Variants in ATG7 observed in about 807,000 individuals in gnomAD.
The protein encoded by ATG7 is autophagy related 7.
A neutral mutation model predicts 82.4 loss-of-function variants in ATG7; 70 were observed. The ratio of observed to expected loss-of-function variants is 0.85; its 90% CI spans 0.70 to 1.04. The LOEUF (loss-of-function observed/expected upper bound fraction) is 1.04, where lower values mean the gene tolerates loss of function less well. ATG7 is among the 50% of genes least tolerant of loss of function. The pLI, the probability that ATG7 is intolerant of heterozygous loss-of-function variation, is 0.00. For missense variants in ATG7, 792 were observed against 864.3 expected (o/e 0.92, Z 1.05); for synonymous variants, 287 against 313.0 (o/e 0.92, Z 0.88).
chr3:11,331,994 A>G (rs1951711766), intron 10 of ATG7, among the ~76,000 whole-genome samples: 1 of 152,212 alleles, frequency 6.6e-6, no homozygotes, highest in South Asian at 2.1e-4. Flanking sequence ...TACCAAAATT[A>G]AAAATATCTA....
At chr3:11,318,462 C>T (rs918064936) in intron 9 of ATG7, among the ~76,000 whole-genome samples, 1 of 152,206 alleles carries the variant, frequency 6.6e-6, no homozygotes, top group Non-Finnish European at 1.5e-5. Flanking sequence ...TAGGAAAGAT[C>T]ACCAGAAGCC....
chr3:11,280,061 T>C (rs921797599), intron 1 of ATG7, among the ~76,000 whole-genome samples: 2 of 152,028 alleles, frequency 1.3e-5, no homozygotes, highest in South Asian at 4.1e-4. Context: ...TCTTTTTTTT[T>C]TTTGAGACAG....
chr3:11,559,693 A>G (rs2072793002), downstream of ATG7, among the ~76,000 whole-genome samples: 1 of 152,214 alleles, frequency 6.6e-6, no homozygotes, highest in South Asian at 2.1e-4. Flanking sequence ...TGAGGGTACA[A>G]AGGACAAAAG....
intron 9 of ATG7, among the ~76,000 whole-genome samples, chr3:11,323,590 A>T (rs952074846): frequency 6.6e-6 from 1 of 152,206 alleles, no homozygotes; most frequent in African/African-American, 2.4e-5. Context: ...TCTTTTGGGG[A>T]AGGTTACTTG....
At chr3:11,560,990 C>A (rs2072937139), downstream of ATG7, among the ~76,000 whole-genome samples, 1 of 152,032 alleles carries the variant, frequency 6.6e-6, no homozygotes, top group African/African-American at 2.4e-5. Context: ...GGTCAAGCAG[C>A]AGCAAGAGAG....
chr3:11,441,703 G>A (rs964959973), intron 20 of ATG7, among the ~76,000 whole-genome samples: 3 of 119,384 alleles, frequency 2.5e-5, no homozygotes, highest in Non-Finnish European at 5.0e-5. Context: ...GTCTTGCTCT[G>A]TTGCCCAGGC....
intron 20 of ATG7, among the ~76,000 whole-genome samples, chr3:11,435,033 C>T (rs2083250380): frequency 6.6e-6 from 1 of 152,024 alleles, no homozygotes; most frequent in Non-Finnish European, 1.5e-5. Flanking sequence ...AAATGAAATG[C>T]TTTTCAACTC....
intron 19 of ATG7, among the ~76,000 whole-genome samples, chr3:11,421,623 A>G (rs1225490379): frequency 6.6e-6 from 1 of 152,082 alleles, no homozygotes; most frequent in Non-Finnish European, 1.5e-5. Flanking sequence ...ACTTCTTTCA[A>G]ACTCCTTTTG....
rs2072552788 is a variant in ATG7 at position 11,557,505 on chromosome 3, GC to G, written c.*2663del. 6.6e-6 allele frequency: 1 copy of G among 152,530 alleles called. No individual in the cohort carries two copies. The highest frequency in any genetic ancestry group is 2.1e-4 in the South Asian group (1 of 4,836). 9.4% of individuals were successfully genotyped at this position (152,530 alleles called of 1,614,324 possible). Reference sequence around the variant, plus strand: ...CAGCCAAACTCCAGCATCCCACACCGCAGCTGACCCACTGCTCATCGCGAGG... The same window carrying G: ...CAGCCAAACTCCAGCATCCCACACCGAGCTGACCCACTGCTCATCGCGAGG... On this transcript the variant is annotated 3_prime_UTR_variant, in exon 21 of 21. Transcript: ENST00000693202.
At chr3:11,308,853 T>G in intron 6 of ATG7, 131 bp from the exon 7 acceptor site, 2 of 801,450 alleles carry the variant, frequency 2.5e-6, no homozygotes, top group East Asian at 2.5e-5. Context: ...ACCCACTTCA[T>G]TGTTTGGGGT....
intron 20 of ATG7, among the ~76,000 whole-genome samples, chr3:11,440,453 T>C (rs1486432874): frequency 7.3e-6 from 1 of 137,766 alleles, no homozygotes; most frequent in African/African-American, 2.7e-5. Context: ...GCCTCCCAAG[T>C]AGCTGGGACT....
At chr3:11,317,115 C>T (rs1452853850) in intron 9 of ATG7, among the ~76,000 whole-genome samples, 2 of 152,152 alleles carry the variant, frequency 1.3e-5, no homozygotes, top group Non-Finnish European at 2.9e-5. Flanking sequence ...GCTGAGATTA[C>T]AGGCGTGAGC....
chr3:11,553,720 G>A (rs1448019807), intron 20 of ATG7, among the ~76,000 whole-genome samples: 5 of 152,152 alleles, frequency 3.3e-5, no homozygotes, highest in Non-Finnish European at 5.9e-5. Flanking sequence ...GGCCTCGGGA[G>A]ACAGGGGCAG....
At chr3:11,382,055 T>C in intron 19 of ATG7, among the ~76,000 whole-genome samples, 1 of 152,174 alleles carries the variant, frequency 6.6e-6, no homozygotes, top group Admixed American at 6.5e-5. Context: ...GGGCTAAAAA[T>C]TACTTTTAAA....
At chr3:11,378,889 G>A (rs556346932) in intron 18 of ATG7, among the ~76,000 whole-genome samples, 5 of 151,884 alleles carry the variant, frequency 3.3e-5, no homozygotes, top group South Asian at 2.1e-4. Context: ...TGAGGGAGAG[G>A]GCATGGTGTT....
intron 20 of ATG7, among the ~76,000 whole-genome samples, chr3:11,442,154 T>C (rs2084038487): frequency 6.6e-6 from 1 of 152,154 alleles, no homozygotes. Context: ...TATCATCCAG[T>C]ACCATGATCG....
At position 11,556,639 on chromosome 3, in the gene ATG7, A is replaced by C. The variant is rs563302500; in HGVS notation, c.*1796A>C. 10 of 152,780 alleles carry C rather than the reference A, an allele frequency of 6.5e-5. No homozygotes were observed. In the East Asian group the frequency reaches 1.9e-3, roughly 29 times the overall value. The allele number at this position is 152,780 out of a possible 1,614,324, so 9.5% of individuals were successfully genotyped here. ...CTTTTTTTTTCCGAACAACAAAAAAAATGAATGATTACAATAGGAAAGGGA... is the reference window on the plus strand; with the variant it reads ...CTTTTTTTTTCCGAACAACAAAAAACATGAATGATTACAATAGGAAAGGGA... On this transcript the variant is annotated 3_prime_UTR_variant, in exon 21 of 21. Transcript: ENST00000693202.
intron 19 of ATG7, among the ~76,000 whole-genome samples, chr3:11,411,739 C>G (rs1185213833): frequency 6.7e-6 from 1 of 148,854 alleles, no homozygotes; most frequent in Non-Finnish European, 1.5e-5. Context: ...GAAATTCAGT[C>G]TATTTTTTTT....
chr3:11,537,094 C>T (rs769352383), intron 20 of ATG7, among the ~76,000 whole-genome samples: 2 of 152,166 alleles, frequency 1.3e-5, no homozygotes, highest in Non-Finnish European at 2.9e-5. Context: ...CCCACCCAGC[C>T]ACGTGCTCTG....
Sources: allele counts gnomAD v4.1 joint callset (sites outside exome capture counted in the v4.1 genomes callset), GRCh38; gene constraint gnomAD v4.1.1; transcripts MANE v1.5; gene names NCBI Gene and HGNC (gene_info 2026-07-23, HGNC 2026-07-21).